DERA: variants seen among roughly 807,000 people sequenced by gnomAD.
DERA encodes deoxyribose-phosphate aldolase, also known as 2-deoxy-D-ribose 5-phosphate aldolase.
A neutral mutation model predicts 41.1 loss-of-function variants in DERA; 15 were observed. The observed-to-expected ratio is 0.37, with a 90% CI of 0.24 to 0.56. DERA has a LOEUF of 0.56. Among genes scored for constraint, DERA ranks in the 20% least tolerant of loss-of-function variants. DERA has a pLI of 0.81. For missense variants in DERA, 396 were observed against 403.4 expected, an observed-to-expected ratio of 0.98 and a Z score of 0.16; for synonymous variants, 139 against 137.4, an observed-to-expected ratio of 1.01 and a Z score of -0.08.
At position 15,911,731 on chromosome 12, in the gene DERA, C is replaced by A. The variant is rs1311266425; in HGVS notation, c.31+317C>A. The A allele has an allele frequency of 3.2e-6, 2 of 627,518 alleles. No individual in the cohort carries two copies. Among genetic ancestry groups the A allele is most frequent in the African/African-American group, 1.8e-5 (1 of 55,456 alleles). 38.9% of individuals were successfully genotyped at this position (627,518 alleles called of 1,614,324 possible). On this transcript the variant is annotated intron_variant, in intron 1 of 8. Transcript: ENST00000428559. This position sits in a 1 kb window ranked among gnomAD's most constrained non-coding sequence, Gnocchi z 4.5. Reference sequence around the variant, plus strand: ...ACCCAACAACCCAAAAAACAAAACCCAAAACAAACAACCCCCAAGCAGGTA... The same window carrying A: ...ACCCAACAACCCAAAAAACAAAACCAAAAACAAACAACCCCCAAGCAGGTA...
intron 6 of DERA, among the ~76,000 whole-genome samples, chr12:16,024,810 A>C (rs1001808680): frequency 1.3e-5 from 2 of 152,192 alleles, no homozygotes; most frequent in Admixed American, 1.3e-4. Context: ...TAAATGAAAA[A>C]TAAAAATAAA....
chr12:15,936,680 A>G lies in DERA; in HGVS notation c.32-20256A>G, dbSNP rs1034221925. Among the ~76,000 whole-genome samples the G allele has an allele frequency of 2.0e-5, 3 of 152,202 alleles. No individual in the cohort carries two copies. The highest frequency in any genetic ancestry group is 4.8e-5 in the African/African-American group (2 of 41,450). On this transcript the variant is annotated intron_variant, in intron 1 of 8. Coordinates refer to ENST00000428559, the MANE Select transcript of DERA (RefSeq NM_015954.4). The surrounding 1 kb of genome is among the most constrained non-coding windows in gnomAD (Gnocchi z 4.6). ...GCTGGTTAATCCAAGCCATGATACAAATGAAGACTATGTATTTTATTCAGT... is the reference window on the plus strand; with the variant it reads ...GCTGGTTAATCCAAGCCATGATACAGATGAAGACTATGTATTTTATTCAGT...
intron 6 of DERA, among the ~76,000 whole-genome samples, chr12:16,005,177 T>C (rs1948900820): frequency 6.6e-6 from 1 of 152,196 alleles, no homozygotes; most frequent in Non-Finnish European, 1.5e-5. Flanking sequence ...GCACAGTGGC[T>C]CATGCCTGCA....
chr12:16,027,105 A>G (rs1232059895), intron 6 of DERA, among the ~76,000 whole-genome samples: 1 of 152,184 alleles, frequency 6.6e-6, no homozygotes, highest in African/African-American at 2.4e-5. Context: ...ATTTATAAGA[A>G]AGCCTCGGCA....
chr12:15,963,851 A>G (rs909310327), intron 5 of DERA, among the ~76,000 whole-genome samples: 5 of 151,946 alleles, frequency 3.3e-5, no homozygotes, highest in Non-Finnish European at 7.4e-5. Flanking sequence ...TCTCATGGGT[A>G]TTTTCCTGTG....
At chr12:15,978,348 A>G (rs1948712459) in intron 5 of DERA, among the ~76,000 whole-genome samples, 1 of 152,266 alleles carries the variant, frequency 6.6e-6, no homozygotes, top group South Asian at 2.1e-4. Flanking sequence ...AAGTATTAGG[A>G]CAGTGCTTGC....
chr12:15,956,448 T>A (rs1294931332), intron 1 of DERA: 1 of 237,634 alleles, frequency 4.2e-6, no homozygotes. Context: ...GGCTGTATCC[T>A]GTCAGCATGC....
intron 5 of DERA, among the ~76,000 whole-genome samples, chr12:15,977,395 C>G (rs928332468): frequency 1.3e-5 from 2 of 152,344 alleles, no homozygotes; most frequent in South Asian, 2.1e-4. Context: ...CCTCTCTGTT[C>G]TATAACTGAC....
rs1211294152 is a variant in DERA at position 15,921,895 on chromosome 12, C to T, written c.31+10481C>T. On this transcript the variant is annotated intron_variant, in intron 1 of 8. Transcript: ENST00000428559. This position sits in a 1 kb window ranked among gnomAD's most constrained non-coding sequence, Gnocchi z 5.3. Reference sequence around the variant, plus strand: ...GAGCCGAGATCACGCCATTGCACTCCAGCCTGGGTGACGAGCAAAACTCCA... The same window carrying T: ...GAGCCGAGATCACGCCATTGCACTCTAGCCTGGGTGACGAGCAAAACTCCA... Among the ~76,000 whole-genome samples the T allele has an allele frequency of 6.6e-6, 1 of 151,460 alleles. No homozygotes were observed. The highest frequency in any genetic ancestry group is 1.5e-5 in the Non-Finnish European group (1 of 67,944).
chr12:15,926,512 G>A (rs1215381831), intron 1 of DERA, among the ~76,000 whole-genome samples: 2 of 152,048 alleles, frequency 1.3e-5, no homozygotes, highest in Admixed American at 1.3e-4. Flanking sequence ...CGAGGCGGGC[G>A]GATCACGAGA....
intron 6 of DERA, among the ~76,000 whole-genome samples, chr12:16,018,674 A>G (rs1190215641): frequency 6.6e-6 from 1 of 152,168 alleles, no homozygotes; most frequent in Admixed American, 6.5e-5. Flanking sequence ...GAAAGTTTTT[A>G]ATGAAACTGT....
At chr12:15,950,859 C>A (rs974319200) in intron 1 of DERA, among the ~76,000 whole-genome samples, 2 of 152,192 alleles carry the variant, frequency 1.3e-5, no homozygotes, top group African/African-American at 4.8e-5. Flanking sequence ...GTTTTTTCAG[C>A]ACTGCTCACT....
Position 15,956,917 on chromosome 12 carries a change from G to T in DERA, c.32-19G>T, listed in dbSNP as rs770657016. The T allele has an allele frequency of 1.9e-6, 3 of 1,583,814 alleles. No individual in the cohort carries two copies. In the Admixed American group the frequency reaches 5.0e-5, roughly 26 times the overall value. ...AATGAAACTTTAGGTTTCAGAAAGTGTTTTTCTGTCTGTTTTAGACCTTAG... is the reference window on the plus strand; with the variant it reads ...AATGAAACTTTAGGTTTCAGAAAGTTTTTTTCTGTCTGTTTTAGACCTTAG... On this transcript the variant is annotated intron_variant, in intron 1 of 8. Transcript: ENST00000428559.
At position 15,996,119 on chromosome 12, in the gene DERA, A is replaced by C. The variant is rs1251418719; in HGVS notation, c.637+13683A>C. Among the ~76,000 whole-genome samples the C allele has an allele frequency of 6.6e-6, 1 of 151,582 alleles. No individual in the cohort carries two copies. The highest frequency in any genetic ancestry group is 2.0e-4 in the East Asian group (1 of 5,108). ...TAATGTGATTCTATGCAGAAGAGAA[A>C]ATTATTTCATATGCAGACACAGACA... On this transcript the variant is annotated intron_variant, in intron 6 of 8. Transcript: ENST00000428559. This position sits in a 1 kb window ranked among gnomAD's most constrained non-coding sequence, Gnocchi z 4.7.
At position 15,985,626 on chromosome 12, in the gene DERA, G is replaced by T. The variant is rs1261633115; in HGVS notation, c.637+3190G>T. ...TCTAATTTCCCTTGTGATCTCTTTT[G>T]TTATTTAGAGTGCTATTTACAATGA... On this transcript the variant is annotated intron_variant, in intron 6 of 8. Transcript: ENST00000428559. This position sits in a 1 kb window ranked among gnomAD's most constrained non-coding sequence, Gnocchi z 4.2. 6.6e-6 allele frequency among the ~76,000 whole-genome samples: 1 copy of T among 150,826 alleles called. No individual in the cohort carries two copies. Among genetic ancestry groups the T allele is most frequent in the Non-Finnish European group, 1.5e-5 (1 of 67,744 alleles).
intron 1 of DERA, among the ~76,000 whole-genome samples, chr12:15,949,909 G>C (rs960961009): frequency 6.6e-6 from 1 of 152,132 alleles, no homozygotes; most frequent in Admixed American, 6.6e-5. Context: ...TGACTTATCT[G>C]TGAGTTATTA....
chr12:15,911,603 T>G lies in DERA; in HGVS notation c.31+189T>G, dbSNP rs1948164301. On this transcript the variant is annotated intron_variant, in intron 1 of 8. Coordinates refer to ENST00000428559, the MANE Select transcript of DERA (RefSeq NM_015954.4). The surrounding 1 kb of genome is among the most constrained non-coding windows in gnomAD (Gnocchi z 4.5). ...CCGAACCCGGCACGTTCGCGCCGCT[T>G]GTCTTTGCACCTAAGCTTTTACTCT... 1 of 702,304 alleles carries G rather than the reference T, an allele frequency of 1.4e-6. No homozygotes were observed. Among genetic ancestry groups the G allele is most frequent in the African/African-American group, 1.8e-5 (1 of 56,690 alleles). The allele number at this position is 702,304 out of a possible 1,614,324, so 43.5% of individuals were successfully genotyped here.
chr12:15,957,546 A>G lies in DERA; in HGVS notation c.129+513A>G, dbSNP rs921939931. Among the ~76,000 whole-genome samples, 1 of 152,210 alleles carries G rather than the reference A, an allele frequency of 6.6e-6. No homozygotes were observed. The highest frequency in any genetic ancestry group is 1.5e-5 in the Non-Finnish European group (1 of 68,042). On this transcript the variant is annotated intron_variant, in intron 2 of 8. Transcript: ENST00000428559. The surrounding 1 kb of genome is among the most constrained non-coding windows in gnomAD (Gnocchi z 4.8). ...GCATTTTCTTCAGTGTATCCCAACC[A>G]AAGACGTGCTGTGTAGGATTAAAGG...
rs960331211 is a variant in DERA at position 15,981,240 on chromosome 12, C to T, written c.509-1068C>T. ...GCAGGCGCCTGTAGTCCCAGCTACT[C>T]GGGAGGCTGAGGCAGGAGAATGGCG... On this transcript the variant is annotated intron_variant, in intron 5 of 8. Coordinates refer to ENST00000428559, the MANE Select transcript of DERA (RefSeq NM_015954.4). The surrounding 1 kb of genome is among the most constrained non-coding windows in gnomAD (Gnocchi z 6.1). 1.3e-4 allele frequency among the ~76,000 whole-genome samples: 20 copies of T among 152,010 alleles called. No individual in the cohort carries two copies. Among genetic ancestry groups the T allele is most frequent in the African/African-American group, 4.1e-4 (17 of 41,368 alleles).
Sources: gnomAD v4.1 joint callset for allele counts (sites outside exome capture counted in the v4.1 genomes callset) on GRCh38, gnomAD v4.1.1 for gene constraint, Gnocchi (gnomAD v3.1) non-coding constraint, MANE v1.5 for transcripts, NCBI Gene and HGNC (gene_info 2026-07-23, HGNC 2026-07-21) for gene names.